Variants in DYNC2H1 observed in about 807,000 individuals in gnomAD.
The protein encoded by DYNC2H1 is cytoplasmic dynein 2 heavy chain 1.
In DYNC2H1, 410 loss-of-function variants were observed where a neutral mutation model predicts 570.0. The observed-to-expected ratio is 0.72, with a 90% CI of 0.66 to 0.78. The LOEUF (loss-of-function observed/expected upper bound fraction) is 0.78. DYNC2H1 is among the 30% of genes least tolerant of loss of function. The pLI is 0.00. For missense variants in DYNC2H1, 4,865 were observed against 5,046.4 expected, an observed-to-expected ratio of 0.96 and a Z score of 1.09; for synonymous variants, 1,688 against 1,677.6, an observed-to-expected ratio of 1.01 and a Z score of -0.15.
At chr11:103,242,221 AAT>A (rs1366745573) in intron 63 of DYNC2H1, among the ~76,000 whole-genome samples, 1 of 152,154 alleles carries the variant, frequency 6.6e-6, no homozygotes, top group Non-Finnish European at 1.5e-5. Context: ...ATATACATAC[AAT>A]GTTTTTTCTA....
rs752397218 is a variant in DYNC2H1, at chr11:103,181,916, TC to T, written c.6477+31del. 8 of 1,590,976 alleles carry T rather than the reference TC, an allele frequency of 5.0e-6. No individual in the cohort carries two copies. The African/African-American group carries it at 9.4e-5, about 19-fold the overall frequency. The stretch of plus-strand genomic sequence containing the variant: ...ATTAACCATAATATTTCATAATTAA[TC>T]GAGGTGAGAAGTATGATTAAGAGTG... On this transcript the variant is annotated intron_variant, in intron 40 of 88. Transcript: ENST00000375735. The surrounding 1 kb of genome is among the most constrained non-coding windows in gnomAD (Gnocchi z 5.0).
chr11:103,250,274 T>C (rs1317682848), intron 65 of DYNC2H1, among the ~76,000 whole-genome samples: 1 of 152,118 alleles, frequency 6.6e-6, no homozygotes, highest in African/African-American at 2.4e-5. Flanking sequence ...ATAATTTTTA[T>C]TATCTTTTTC....
chr11:103,381,701 C>G (rs1304256268), intron 83 of DYNC2H1, among the ~76,000 whole-genome samples: 1 of 152,238 alleles, frequency 6.6e-6, no homozygotes, highest in East Asian at 1.9e-4. Flanking sequence ...CCAGCCTTGG[C>G]CTCCCAAAGT....
Position 103,261,371 on chromosome 11 carries a change from TG to T in DYNC2H1, c.10695+1397del, listed in dbSNP as rs1865275759. ...CTAAGGGACAGATTGCCTTCTCAAG[TG>T]GGTCCCTGACCCCTGTGCCTCCTGA... On this transcript the variant is annotated intron_variant, in intron 70 of 88. Transcript: ENST00000375735. This position sits in a 1 kb window ranked among gnomAD's most constrained non-coding sequence, Gnocchi z 4.8. 6.6e-6 allele frequency among the ~76,000 whole-genome samples: 1 copy of T among 152,214 alleles called. No homozygotes were observed. Among genetic ancestry groups the T allele is most frequent in the African/African-American group, 2.4e-5 (1 of 41,456 alleles).
intron 82 of DYNC2H1, among the ~76,000 whole-genome samples, chr11:103,340,490 T>C (rs1939391079): frequency 6.6e-6 from 1 of 152,236 alleles, no homozygotes; most frequent in African/African-American, 2.4e-5. Context: ...CAGTAAACTT[T>C]CTTTATTGCT....
rs1938439790 is a variant in DYNC2H1, at chr11:103,325,842, A to G, written c.12039+1852A>G. ...ACGTCATTTCAGACATTTCAGTCTC[A>G]TTAGGGACCGTTGCTGGTGGGCGGG... On this transcript the variant is annotated intron_variant, in intron 82 of 88. Transcript: ENST00000375735. This position sits in a 1 kb window ranked among gnomAD's most constrained non-coding sequence, Gnocchi z 4.8. 6.6e-6 allele frequency among the ~76,000 whole-genome samples: 1 copy of G among 152,110 alleles called. No homozygotes were observed. The highest frequency in any genetic ancestry group is 1.5e-5 in the Non-Finnish European group (1 of 68,036).
At chr11:103,269,317 C>T (rs897950469) in intron 70 of DYNC2H1, among the ~76,000 whole-genome samples, 4 of 152,092 alleles carry the variant, frequency 2.6e-5, no homozygotes, top group Non-Finnish European at 4.4e-5. Flanking sequence ...AATCATATAG[C>T]AATGAGATAC....
Position 103,245,347 on chromosome 11 carries a change from T to C in DYNC2H1, c.10015T>C (p.Leu3339=). The C allele has an allele frequency of 6.3e-7, 1 of 1,586,038 alleles. No homozygotes were observed. Residue 3339 remains leucine (L), a synonymous_variant, in exon 65 of 89, where the codon TTA becomes CTA. Coordinates refer to ENST00000375735, the MANE Select transcript of DYNC2H1 (RefSeq NM_001377.3). This position sits in a 1 kb window ranked among gnomAD's most constrained non-coding sequence, Gnocchi z 4.5. Reference sequence around the variant, plus strand: ...TGGTGTAGAACCTGTTCTTTATCCATTATTGAGACGAGATCTGGTTGCTCA... The same window carrying C: ...TGGTGTAGAACCTGTTCTTTATCCACTATTGAGACGAGATCTGGTTGCTCA... ...MDGVEPVLYP[L]LRRDLVAQGP... is the part of the protein sequence containing the mutation.
At position 103,456,286 on chromosome 11, in the gene DYNC2H1, G is replaced by A. The variant is rs201699865; in HGVS notation, c.12578G>A (p.Arg4193His). ...LRQETARAVG[R>H]SVDSLKFVAS... ...CTTTACCTTTACAGGGCAGTGGGTCGTTCTGTGGATAGCCTTAAATTTGTA... is the reference window on the plus strand; with the variant it reads ...CTTTACCTTTACAGGGCAGTGGGTCATTCTGTGGATAGCCTTAAATTTGTA... Residue 4193 changes from arginine to histidine, a missense_variant, in exon 87 of 89, where the codon CGT (arginine) becomes CAT (histidine). Around this residue, in one of 5 missense-constraint regions of DYNC2H1, gnomAD observed 2,401 missense variants for 2,454.6 expected, o/e 0.98. Transcript: ENST00000375735. 112 of 1,608,400 alleles carry A rather than the reference G, an allele frequency of 7.0e-5. 1 individual carries two copies. The highest frequency in any genetic ancestry group is 1.8e-4 in the East Asian group (8 of 44,770).
At chr11:103,445,796 C>T (rs558060596) in intron 85 of DYNC2H1, among the ~76,000 whole-genome samples, 41 of 152,246 alleles carry the variant, frequency 2.7e-4, no homozygotes, top group African/African-American at 7.0e-4. Context: ...GGACTACAGG[C>T]GCACACCATC....
At position 103,168,901 on chromosome 11, in the gene DYNC2H1, G is replaced by A; in HGVS notation, c.4909G>A (p.Asp1637Asn). 1 of 1,612,988 alleles carries A rather than the reference G, an allele frequency of 6.2e-7. No individual in the cohort carries two copies. The highest frequency in any genetic ancestry group is 8.5e-7 in the Non-Finnish European group (1 of 1,179,460). The change falls in exon 32 of 89, where the codon GAT becomes AAT. Residue 1637 changes from aspartate (D) to asparagine (N), a missense_variant. Asp to Asn is a conservative substitution (Grantham distance 23). Coordinates refer to ENST00000375735, the MANE Select transcript of DYNC2H1 (RefSeq NM_001377.3). ...KKQLRFYMKS[D>N]HTCCVQMVDS... ...ACAACTTAGATTCTATATGAAAAGTGATCATACATGTTGTGTTCAAATGGT... is the reference window on the plus strand; with the variant it reads ...ACAACTTAGATTCTATATGAAAAGTAATCATACATGTTGTGTTCAAATGGT...
At chr11:103,175,326 C>T (rs138786591) in intron 36 of DYNC2H1, among the ~76,000 whole-genome samples, 133 of 152,176 alleles carry the variant, frequency 8.7e-4, no homozygotes, top group Admixed American at 2.0e-3. Context: ...ATTAGGTTGG[C>T]GTATGCCTGG....
intron 87 of DYNC2H1, among the ~76,000 whole-genome samples, chr11:103,467,875 A>G (rs1945244540): frequency 1.3e-5 from 2 of 152,160 alleles, no homozygotes; most frequent in South Asian, 4.1e-4. Context: ...TTTTGTACCA[A>G]GTTCAAATTA....
intron 82 of DYNC2H1, among the ~76,000 whole-genome samples, chr11:103,332,772 C>T (rs1019661282): frequency 6.6e-6 from 1 of 152,092 alleles, no homozygotes; most frequent in Admixed American, 6.6e-5. Context: ...GAGGGCAAGG[C>T]GGGCAGATCA....
At chr11:103,345,070 T>G (rs1939671810) in intron 82 of DYNC2H1, among the ~76,000 whole-genome samples, 2 of 152,194 alleles carry the variant, frequency 1.3e-5, no homozygotes, top group Admixed American at 1.3e-4. Context: ...CCCAAAAACA[T>G]ATTGTTTTGC....
intron 84 of DYNC2H1, among the ~76,000 whole-genome samples, chr11:103,433,181 A>G (rs1049446205): frequency 6.6e-6 from 1 of 152,072 alleles, no homozygotes; most frequent in Non-Finnish European, 1.5e-5. Flanking sequence ...TTAATTCTCT[A>G]CATATTTAAC....
intron 17 of DYNC2H1, 31 bp downstream of exon 17, chr11:103,135,979 T>G (rs2134782063): frequency 6.8e-7 from 1 of 1,478,912 alleles, no homozygotes; most frequent in African/African-American, 1.4e-5. Flanking sequence ...CATCCTTCCA[T>G]CATAAAATTA....
rs1450817291 is a variant in DYNC2H1, at chr11:103,414,529, G to A, written c.12366+14657G>A. ...AGCTACTCGGGAGGCTGAGGCAGAA[G>A]AATTGTTTGAACCCAGGAGAAAGAA... On this transcript the variant is annotated intron_variant, in intron 84 of 88. Transcript: ENST00000375735. 2.0e-5 allele frequency among the ~76,000 whole-genome samples: 3 copies of A among 152,150 alleles called. No homozygotes were observed. The South Asian group carries it at 6.2e-4, about 32-fold the overall frequency.
chr11:103,185,146 G>A lies in DYNC2H1; in HGVS notation c.6633+95G>A, dbSNP rs1260171705. 5 of 1,185,624 alleles carry A rather than the reference G, an allele frequency of 4.2e-6. No individual in the cohort carries two copies. Among genetic ancestry groups the A allele is most frequent in the East Asian group, 5.1e-5 (2 of 39,336 alleles). 73.4% of individuals were successfully genotyped at this position (1,185,624 alleles called of 1,614,324 possible). On this transcript the variant is annotated intron_variant, in intron 41 of 88. Coordinates refer to ENST00000375735, the MANE Select transcript of DYNC2H1 (RefSeq NM_001377.3). This position sits in a 1 kb window ranked among gnomAD's most constrained non-coding sequence, Gnocchi z 4.5. ...CAATGATTTGTAACTGTAAGATATG[G>A]AACTTTTAAAATTTGAAATTATGTA...
Sources: gnomAD v4.1 joint callset for allele counts (sites outside exome capture counted in the v4.1 genomes callset) on GRCh38, gnomAD v4.1.1 for gene constraint, gnomAD v4.1.1 regional missense constraint, Gnocchi (gnomAD v3.1) non-coding constraint, MANE v1.5 for transcripts, NCBI Gene and HGNC (gene_info 2026-07-23, HGNC 2026-07-21) for gene names.